The following DPP10 variants were observed in gnomAD, a reference collection of about 807,000 sequenced individuals.
DPP10 encodes the protein inactive dipeptidyl peptidase 10.
A neutral mutation model predicts 120.9 loss-of-function variants in DPP10; 33 were observed. That is an observed-to-expected ratio of 0.27 (90% CI 0.21 to 0.37). The LOEUF is 0.37. DPP10 is among the 10% of genes least tolerant of loss of function. The pLI is 1.00. For synonymous variants in DPP10, 337 were observed against 326.1 expected, an observed-to-expected ratio of 1.03 and a Z score of -0.36; for missense variants, 816 against 942.8, an observed-to-expected ratio of 0.87 and a Z score of 1.76.
intron 1 of DPP10, among the ~76,000 whole-genome samples, chr2:114,944,065 AT>A (rs1264948606): frequency 3.9e-5 from 6 of 152,012 alleles, no homozygotes; most frequent in Non-Finnish European, 8.8e-5. Context: ...TCTTAGGGTA[AT>A]TTTTTAAAAG....
At chr2:115,737,860 A>T (rs576180003) in intron 8 of DPP10, among the ~76,000 whole-genome samples, 3 of 152,144 alleles carry the variant, frequency 2.0e-5, no homozygotes, top group Non-Finnish European at 4.4e-5. Context: ...TTCTAGAAAC[A>T]TCCCCGGTGT....
intron 19 of DPP10, among the ~76,000 whole-genome samples, chr2:115,807,042 C>T (rs1363231975): frequency 6.6e-6 from 1 of 152,142 alleles, no homozygotes; most frequent in Admixed American, 6.5e-5. Flanking sequence ...TTTCTAAGTG[C>T]AAGAGAATAG....
intron 1 of DPP10, among the ~76,000 whole-genome samples, chr2:114,880,082 G>T (rs1417577218): frequency 2.0e-5 from 3 of 152,126 alleles, no homozygotes; most frequent in African/African-American, 7.2e-5. Context: ...CTCCATTTTA[G>T]CTACTCTTAG....
At chr2:114,805,330 G>A (rs568179142) in intron 1 of DPP10, among the ~76,000 whole-genome samples, 30 of 152,224 alleles carry the variant, frequency 2.0e-4, no homozygotes, top group African/African-American at 7.0e-4. Flanking sequence ...CAAGTGCTAG[G>A]CATTCTACTA....
At chr2:115,281,768 G>A (rs2060165725) in intron 1 of DPP10, among the ~76,000 whole-genome samples, 1 of 152,058 alleles carries the variant, frequency 6.6e-6, no homozygotes. Flanking sequence ...ATATTCCACT[G>A]CAGAAACCAC....
rs1270880830 is a variant in DPP10, at chr2:114,442,803, C to T, written c.25C>T (p.His9Tyr). Reference sequence around the variant, plus strand: ...CATGAACCAAACTGCCAGCGTGTCCCATCACATCAAGTGTCAACCCTCAAA... The same window carrying T: ...CATGAACCAAACTGCCAGCGTGTCCTATCACATCAAGTGTCAACCCTCAAA... MNQTASVS[H>Y]HIKCQPSKTI... The change falls in exon 1 of 26, where the codon CAT (histidine) becomes TAT (tyrosine). Residue 9 changes from histidine to tyrosine, a missense_variant. His to Tyr is a moderately conservative substitution (Grantham distance 83). Coordinates refer to ENST00000410059, the MANE Select transcript of DPP10 (RefSeq NM_020868.6). 1 of 1,613,426 alleles carries T rather than the reference C, an allele frequency of 6.2e-7. No homozygotes were observed. Among genetic ancestry groups the T allele is most frequent in the Non-Finnish European group, 8.5e-7 (1 of 1,179,538 alleles).
At chr2:114,879,820 G>A (rs1281974409) in intron 1 of DPP10, among the ~76,000 whole-genome samples, 1 of 152,104 alleles carries the variant, frequency 6.6e-6, no homozygotes, top group Non-Finnish European at 1.5e-5. Flanking sequence ...TCACTGACAG[G>A]CGGTTCCCTG....
rs78901592 is a variant in DPP10, at chr2:115,658,122, T to C, written c.442-31565T>C. The stretch of plus-strand genomic sequence containing the variant: ...AGAATTCACCTGCCCTGGATTGCTA[T>C]GCTCTATTTGGAAGTACATATCCAA... On this transcript the variant is annotated intron_variant, in intron 5 of 25. Coordinates refer to ENST00000410059, the MANE Select transcript of DPP10 (RefSeq NM_020868.6). Among the ~76,000 whole-genome samples, 823 of 152,106 alleles carry C rather than the reference T, an allele frequency of 5.4e-3. 12 individuals are homozygous for C. Among genetic ancestry groups the C allele is most frequent in the African/African-American group, 0.019 (789 of 41,544 alleles).
chr2:114,581,000 G>C (rs1338781193), intron 1 of DPP10, among the ~76,000 whole-genome samples: 8 of 151,740 alleles, frequency 5.3e-5, no homozygotes, highest in African/African-American at 1.5e-4. Context: ...AAGATTACCA[G>C]GTTTCCTTAA....
chr2:115,173,520 A>T lies in DPP10; in HGVS notation c.61-135719A>T, dbSNP rs79131297. On this transcript the variant is annotated intron_variant, in intron 1 of 25. Coordinates refer to ENST00000410059, the MANE Select transcript of DPP10 (RefSeq NM_020868.6). ...TATATAGGGCTAAAAAATTAAGCAG[A>T]TACCATAACTCGTTCCTGTTGTACA... is the stretch of plus-strand genomic sequence containing the variant. Among the ~76,000 whole-genome samples, 30 of 152,324 alleles carry T rather than the reference A, an allele frequency of 2.0e-4. No individual in the cohort carries two copies. The East Asian group carries it at 5.8e-3, about 29-fold the overall frequency.
chr2:115,819,353 T>C (rs893141472), intron 21 of DPP10, among the ~76,000 whole-genome samples: 3 of 152,208 alleles, frequency 2.0e-5, no homozygotes, highest in South Asian at 2.1e-4. Context: ...TATAATATCC[T>C]CTTATTATAT....
chr2:114,575,944 G>A lies in DPP10; in HGVS notation c.60+133106G>A, dbSNP rs1036345931. 3.9e-5 allele frequency among the ~76,000 whole-genome samples: 6 copies of A among 152,222 alleles called. 1 individual carries two copies. The highest frequency in any genetic ancestry group is 3.9e-4 in the Admixed American group (6 of 15,284). On this transcript the variant is annotated intron_variant, in intron 1 of 25. Coordinates refer to ENST00000410059, the MANE Select transcript of DPP10 (RefSeq NM_020868.6). ...GAAGGCAGGGAAAGGGGAATGAAGA[G>A]TTCAGGAATATCAGAGATGCGTGAT...
At chr2:114,645,264 T>C (rs1696030424) in intron 1 of DPP10, among the ~76,000 whole-genome samples, 1 of 152,192 alleles carries the variant, frequency 6.6e-6, no homozygotes, top group Admixed American at 6.5e-5. Flanking sequence ...TATATTTCTA[T>C]TTGCCATCTC....
chr2:115,418,413 CTG>C (rs1553594349), intron 3 of DPP10, among the ~76,000 whole-genome samples: 2 of 151,980 alleles, frequency 1.3e-5, no homozygotes, highest in Non-Finnish European at 2.9e-5. Context: ...GAGTGAGAGA[CTG>C]AGAGAGAGAG....
intron 1 of DPP10, among the ~76,000 whole-genome samples, chr2:114,790,860 T>C (rs1683180805): frequency 1.3e-5 from 2 of 152,224 alleles, no homozygotes; most frequent in African/African-American, 4.8e-5. Flanking sequence ...CTTCAGGCCA[T>C]CTGGGCGAAT....
intron 1 of DPP10, among the ~76,000 whole-genome samples, chr2:114,987,177 C>A (rs1410484857): frequency 1.3e-5 from 2 of 152,098 alleles, no homozygotes; most frequent in Non-Finnish European, 1.5e-5. Context: ...ATTTTTAAGG[C>A]ATATAAATTA....
chr2:114,478,912 G>T (rs1680764441), intron 1 of DPP10, among the ~76,000 whole-genome samples: 1 of 150,384 alleles, frequency 6.6e-6, no homozygotes, highest in East Asian at 2.0e-4. Context: ...GCTGATGAAA[G>T]AAATCAAATA....
At chr2:114,716,064 A>T (rs951007405) in intron 1 of DPP10, among the ~76,000 whole-genome samples, 30 of 152,060 alleles carry the variant, frequency 2.0e-4, no homozygotes, top group South Asian at 2.1e-4. Flanking sequence ...TTTTAAAAAA[A>T]AAACAAACGC....
At chr2:115,040,420 C>G (rs1704548037) in intron 1 of DPP10, among the ~76,000 whole-genome samples, 1 of 151,948 alleles carries the variant, frequency 6.6e-6, no homozygotes, top group Non-Finnish European at 1.5e-5. Context: ...ATTAAGTGAA[C>G]TAAATTATAG....
Sources: gnomAD v4.1 joint callset for allele counts (sites outside exome capture counted in the v4.1 genomes callset) on GRCh38, gnomAD v4.1.1 for gene constraint, MANE v1.5 for transcripts, NCBI Gene and HGNC (gene_info 2026-07-23, HGNC 2026-07-21) for gene names.